Variants in ERBB4 observed in about 807,000 individuals in gnomAD.
ERBB4 encodes the protein receptor tyrosine-protein kinase erbB-4.
Under a neutral mutation model 158.0 loss-of-function variants are expected in ERBB4, and 42 were observed. That is an observed-to-expected ratio of 0.27 (90% CI 0.21 to 0.34). The LOEUF (loss-of-function observed/expected upper bound fraction) is 0.34. Among genes scored for constraint, ERBB4 ranks in the 10% least tolerant of loss-of-function variants. The pLI is 1.00. For missense variants in ERBB4, 1,333 were observed against 1,624.1 expected (o/e 0.82, Z 3.08); for synonymous variants, 583 against 558.7 (o/e 1.04, Z -0.61).
At chr2:212,233,857 C>T (rs1051682951) in intron 1 of ERBB4, among the ~76,000 whole-genome samples, 1 of 151,868 alleles carries the variant, frequency 6.6e-6, no homozygotes, top group African/African-American at 2.4e-5. Context: ...TGGGAGTTTG[C>T]TTCTTTCTAC....
intron 1 of ERBB4, among the ~76,000 whole-genome samples, chr2:212,296,438 A>T (rs10445810): frequency 0.73 from 110,986 of 151,884 alleles, 45,306 homozygotes; most frequent in Non-Finnish European, 0.9. Context: ...TTGTAGTGTC[A>T]TATATAACAG....
chr2:211,906,676 A>T (rs1351106257), intron 3 of ERBB4, among the ~76,000 whole-genome samples: 1 of 150,750 alleles, frequency 6.6e-6, no homozygotes, highest in Non-Finnish European at 1.5e-5. Flanking sequence ...CCCAATATTT[A>T]TTTTTTTTCT....
rs535869465 is a variant in ERBB4, at chr2:211,526,796, T to G, written c.2487+35107A>C. Reference sequence around the variant, plus strand: ...AAATTCTGAAGTTGAAAAATGCAATTGACATACTGAAGAATGCATCAGTCT... The same window carrying G: ...AAATTCTGAAGTTGAAAAATGCAATGGACATACTGAAGAATGCATCAGTCT... On this transcript the variant is annotated intron_variant, in intron 20 of 27. Coordinates refer to ENST00000342788, the MANE Select transcript of ERBB4 (RefSeq NM_005235.3). Among the ~76,000 whole-genome samples the G allele has an allele frequency of 2.0e-5, 3 of 151,988 alleles. No individual in the cohort carries two copies. The South Asian group carries it at 6.2e-4, about 32-fold the overall frequency.
intron 1 of ERBB4, among the ~76,000 whole-genome samples, chr2:212,334,853 CAT>C (rs1444472673): frequency 6.6e-6 from 1 of 151,910 alleles, no homozygotes; most frequent in Admixed American, 6.6e-5. Context: ...GTTGAGAAAA[CAT>C]AAATTCCAAA....
rs115214691 is a variant in ERBB4, at chr2:211,432,181, C to T, written c.2488-1081G>A. 4.4e-3 allele frequency among the ~76,000 whole-genome samples: 674 copies of T among 152,180 alleles called. 5 individuals carry two copies. Among genetic ancestry groups the T allele is most frequent in the Non-Finnish European group, 7.6e-3 (515 of 68,006 alleles). ...AAAATGTTGAAGCATACTCTCATGC[C>T]AATTGCAAATCAATGCTGTGGGCAG... On this transcript the variant is annotated intron_variant, in intron 20 of 27. Coordinates refer to ENST00000342788, the MANE Select transcript of ERBB4 (RefSeq NM_005235.3).
At chr2:211,812,959 C>T (rs751327724) in intron 3 of ERBB4, among the ~76,000 whole-genome samples, 11 of 152,320 alleles carry the variant, frequency 7.2e-5, no homozygotes, top group Admixed American at 1.3e-4. Context: ...CATGGCTTCC[C>T]TTGACTAAGA....
intron 3 of ERBB4, among the ~76,000 whole-genome samples, chr2:211,866,424 G>A (rs2078207199): frequency 6.6e-6 from 1 of 151,834 alleles, no homozygotes; most frequent in African/African-American, 2.4e-5. Flanking sequence ...TGCCTTAAAT[G>A]TTTTATAGAA....
chr2:212,181,683 C>A (rs2081871167), intron 1 of ERBB4, among the ~76,000 whole-genome samples: 1 of 151,612 alleles, frequency 6.6e-6, no homozygotes, highest in Non-Finnish European at 1.5e-5. Flanking sequence ...TAATAAAAAT[C>A]AAAACTAATA....
At chr2:212,191,405 G>A (rs2082184191) in intron 1 of ERBB4, among the ~76,000 whole-genome samples, 1 of 150,576 alleles carries the variant, frequency 6.6e-6, no homozygotes, top group Non-Finnish European at 1.5e-5. Flanking sequence ...TTAGGAAACA[G>A]AAAATTTTAC....
In ERBB4 at chr2:211,722,397, A is replaced by G. The variant is rs755504383; in HGVS notation, c.879T>C (p.Cys293=). 6.2e-7 allele frequency: 1 copy of G among 1,612,722 alleles called. No individual in the cohort carries two copies. The highest frequency in any genetic ancestry group is 8.5e-7 in the Non-Finnish European group (1 of 1,178,712). The change falls in exon 7 of 28, where the codon TGT becomes TGC. Residue 293 remains cysteine (C), a synonymous_variant. Coordinates refer to ENST00000342788, the MANE Select transcript of ERBB4 (RefSeq NM_005235.3). ...TATTCTTATTCTGTTACTTACGTGG[A>G]CATTTCTTGACACAGAATGCTCCAT... The part of the protein sequence containing the change: ...YTYGAFCVKK[C]PHNFVVDSSS...
chr2:211,539,279 C>A (rs960967703), intron 20 of ERBB4, among the ~76,000 whole-genome samples: 2 of 151,826 alleles, frequency 1.3e-5, no homozygotes, highest in Non-Finnish European at 2.9e-5. Flanking sequence ...ATTATTAGTA[C>A]CAAGACAGAA....
At chr2:211,431,539 A>G (rs1344746617) in intron 20 of ERBB4, among the ~76,000 whole-genome samples, 2 of 152,190 alleles carry the variant, frequency 1.3e-5, no homozygotes, top group Admixed American at 6.5e-5. Context: ...CATAATTTTT[A>G]GAAATATTTC....
At chr2:211,701,574 G>A (rs970492318) in intron 12 of ERBB4, among the ~76,000 whole-genome samples, 1 of 151,734 alleles carries the variant, frequency 6.6e-6, no homozygotes, top group Admixed American at 6.6e-5. Context: ...GGCTAACACA[G>A]CGAAACCCCA....
chr2:211,670,492 C>A (rs1018145690), intron 14 of ERBB4, among the ~76,000 whole-genome samples: 1 of 151,942 alleles, frequency 6.6e-6, no homozygotes, highest in African/African-American at 2.4e-5. Context: ...CTGCAAAAAC[C>A]CACAAATTAG....
intron 1 of ERBB4, among the ~76,000 whole-genome samples, chr2:212,191,044 T>G (rs553958424): frequency 5.3e-5 from 8 of 152,102 alleles, no homozygotes; most frequent in Non-Finnish European, 1.0e-4. Context: ...ATTTTTTTTT[T>G]TTTAGATAAA....
intron 16 of ERBB4, among the ~76,000 whole-genome samples, chr2:211,641,746 C>T (rs2070600838): frequency 6.6e-6 from 1 of 152,080 alleles, no homozygotes; most frequent in Admixed American, 6.6e-5. Flanking sequence ...TTATTGTCAT[C>T]TCTGTGACTG....
In ERBB4 at chr2:211,762,699, G is replaced by A. The variant is rs935800859; in HGVS notation, c.557-11995C>T. Among the ~76,000 whole-genome samples, 4 of 152,140 alleles carry A rather than the reference G, an allele frequency of 2.6e-5. No individual in the cohort carries two copies. In the East Asian group the frequency reaches 5.8e-4, roughly 22 times the overall value. On this transcript the variant is annotated intron_variant, in intron 4 of 27. Transcript: ENST00000342788. ...GTGAGTGGTGTCACATTTGAGAAACGTGGTTCAACAGCTAAAATTCAAGCA... is the reference window on the plus strand; with the variant it reads ...GTGAGTGGTGTCACATTTGAGAAACATGGTTCAACAGCTAAAATTCAAGCA...
chr2:211,438,470 CTTTA>C (rs1441071066), intron 20 of ERBB4, among the ~76,000 whole-genome samples: 2 of 151,944 alleles, frequency 1.3e-5, no homozygotes, highest in African/African-American at 2.4e-5. Context: ...GTTTCACTTT[CTTTA>C]TTTGTTAAAT....
chr2:211,420,006 T>C (rs1489635501), intron 25 of ERBB4, among the ~76,000 whole-genome samples: 1 of 152,054 alleles, frequency 6.6e-6, no homozygotes, highest in Non-Finnish European at 1.5e-5. Context: ...AATATTTAAT[T>C]TTTCTTAAAT....
Sources: gnomAD v4.1 joint callset for allele counts (sites outside exome capture counted in the v4.1 genomes callset) on GRCh38, gnomAD v4.1.1 for gene constraint, MANE v1.5 for transcripts, NCBI Gene and HGNC (gene_info 2026-07-23, HGNC 2026-07-21) for gene names.